Variants in ACP4 observed in about 807,000 individuals in gnomAD.
The protein encoded by ACP4 is acid phosphatase 4.
Under a neutral mutation model 47.3 loss-of-function variants are expected in ACP4, and 49 were observed. The ratio of observed to expected loss-of-function variants is 1.04; its 90% CI spans 0.82 to 1.32. The LOEUF is 1.32. Among genes scored for constraint, ACP4 ranks in the 40% most tolerant of loss-of-function variants. ACP4 has a pLI of 0.00. For synonymous variants in ACP4, 299 were observed against 265.3 expected (o/e 1.13, Z -1.23); for missense variants, 594 against 579.3 (o/e 1.03, Z -0.26).
At chr19:50,793,374 G>T in intron 6 of ACP4, 1 of 315,862 alleles carries the variant, frequency 3.2e-6, no homozygotes, top group Non-Finnish European at 5.9e-6. Flanking sequence ...AATTAGCCAG[G>T]AATGGTGGCA....
chr19:50,790,558 TC>T (rs2089492599), intron 1 of ACP4, 33 bp downstream of exon 1: 3 of 1,539,284 alleles, frequency 1.9e-6, no homozygotes, highest in South Asian at 2.4e-5. Flanking sequence ...TGCCCTTAGC[TC>T]CCCCAGGGCT....
At position 50,793,818 on chromosome 19, in the gene ACP4, T is replaced by C. The variant is rs2089531041; in HGVS notation, c.778+2T>C. On this transcript the variant is annotated splice_donor_variant, in intron 7 of 10. Transcript: ENST00000270593. LOFTEE classifies it high-confidence loss of function. The stretch of plus-strand genomic sequence containing the variant: ...CAGAGAAGGCCCAGCTGACAGGGGG[T>C]GAGGTGTGGGTCTGGGAGGCTGGGG... The C allele has an allele frequency of 6.2e-7, 1 of 1,613,764 alleles. No individual in the cohort carries two copies. Among genetic ancestry groups the C allele is most frequent in the African/African-American group, 1.3e-5 (1 of 75,004 alleles).
Position 50,790,680 on chromosome 19 carries a change from C to G in ACP4, c.198C>G (p.Gly66=), listed in dbSNP as rs765882645. 48 of 1,504,174 alleles carry G rather than the reference C, an allele frequency of 3.2e-5. No individual in the cohort carries two copies. The highest frequency in any genetic ancestry group is 3.5e-5 in the Non-Finnish European group (39 of 1,124,902). The allele number at this position is 1,504,174 out of a possible 1,614,324, so 93.2% of individuals were successfully genotyped here. ...KEVASTLWPR[G]LGQLTTEGVR... ...TGGCCTCCACCCTGTGGCCACGAGGCCTGGGCCAGCTGACCACGGTGAGAA... is the reference window on the plus strand; with the variant it reads ...TGGCCTCCACCCTGTGGCCACGAGGGCTGGGCCAGCTGACCACGGTGAGAA... Residue 66 remains glycine (G), a synonymous_variant, in exon 2 of 11, where the codon GGC becomes GGG. Transcript: ENST00000270593.
At chr19:50,792,198 G>T in intron 5 of ACP4, 27 bp downstream of exon 5, 9 of 1,611,170 alleles carry the variant, frequency 5.6e-6, no homozygotes, top group Non-Finnish European at 7.6e-6. Context: ...TGGGGGGCGG[G>T]ATGCAGGGGA....
chr19:50,795,051 G>T lies in ACP4; in HGVS notation c.1174G>T (p.Val392Leu), dbSNP rs2089546968. ...YEAAIPPAPV[V>L]PLLAGAVAVL... Reference sequence around the variant, plus strand: ...GCGTGTTCTCCCTGCAGCTCCAGTGGTGCCCCTGCTGGCCGGAGCTGTAGC... The same window carrying T: ...GCGTGTTCTCCCTGCAGCTCCAGTGTTGCCCCTGCTGGCCGGAGCTGTAGC... Residue 392 changes from valine (V) to leucine (L), a missense_variant, in exon 11 of 11, where the codon GTG becomes TTG. Physicochemically the swap from Val to Leu is conservative, Grantham distance 32. Coordinates refer to ENST00000270593, the MANE Select transcript of ACP4 (RefSeq NM_033068.3). The T allele has an allele frequency of 2.5e-6, 4 of 1,609,570 alleles. No homozygotes were observed. The highest frequency in any genetic ancestry group is 2.2e-5 in the South Asian group (2 of 90,662).
In ACP4 at chr19:50,793,960, T is replaced by C. The variant is rs768008030; in HGVS notation, c.851T>C (p.Met284Thr). Residue 284 changes from methionine (M) to threonine (T), a missense_variant, in exon 8 of 11, where the codon ATG becomes ACG. Met to Thr is a moderately conservative substitution (Grantham distance 81). Transcript: ENST00000270593. ...CTGGGGCTGCCCCTCAAGATGGTCA[T>C]GTACTCAGCTGTGAGTCCTTGGGAA... ...QRLGLPLKMV[M>T]YSAHDSTLLA... The C allele has an allele frequency of 3.1e-6, 5 of 1,614,062 alleles. No homozygotes were observed. The highest frequency in any genetic ancestry group is 1.3e-5 in the African/African-American group (1 of 75,050).
chr19:50,791,929 G>A, intron 4 of ACP4, 127 bp downstream of exon 4: 1 of 1,453,898 alleles, frequency 6.9e-7, no homozygotes, highest in Non-Finnish European at 9.2e-7. Flanking sequence ...CCAGACCAGG[G>A]TGAGCCCCGG....
chr19:50,793,672 G>A lies in ACP4; in HGVS notation c.646-12G>A, dbSNP rs750997301. On this transcript the variant is annotated splice_polypyrimidine_tract_variant and intron_variant, in intron 6 of 10. Coordinates refer to ENST00000270593, the MANE Select transcript of ACP4 (RefSeq NM_033068.3). ...GGGCTCAGGATGGTCCATCTGTCCT[G>A]TCTCCCCACAGCAAGCCCACGGTCT... is the stretch of plus-strand genomic sequence containing the variant. 5.0e-6 allele frequency: 8 copies of A among 1,612,396 alleles called. No homozygotes were observed. In the South Asian group the frequency reaches 8.8e-5, roughly 18 times the overall value.
chr19:50,794,468 C>A lies in ACP4; in HGVS notation c.873C>A (p.Thr291=). ...KMVMYSAHDS[T]LLALQGALGL... is the part of the protein sequence containing the mutation. The stretch of plus-strand genomic sequence containing the variant: ...GGGTCCACCTGCAGCATGACAGCAC[C>A]CTGCTGGCCCTCCAGGGGGCCCTGG... The change falls in exon 9 of 11, where the codon ACC becomes ACA. Residue 291 remains threonine, a synonymous_variant. Transcript: ENST00000270593. The A allele has an allele frequency of 6.2e-7, 1 of 1,613,622 alleles. No homozygotes were observed. Among genetic ancestry groups the A allele is most frequent in the Non-Finnish European group, 8.5e-7 (1 of 1,179,956 alleles).
In ACP4 at chr19:50,795,069, G is replaced by A. The variant is rs2089547307; in HGVS notation, c.1192G>A (p.Ala398Thr). The A allele has an allele frequency of 6.2e-7, 1 of 1,600,948 alleles. No homozygotes were observed. The highest frequency in any genetic ancestry group is 8.5e-7 in the Non-Finnish European group (1 of 1,174,426). Residue 398 changes from alanine (A) to threonine (T), a missense_variant, in exon 11 of 11, where the codon GCT becomes ACT. By Grantham distance (58) the Ala-to-Thr change is moderately conservative. Transcript: ENST00000270593. ...PAPVVPLLAG[A>T]VAVLVALSLG... ...TCCAGTGGTGCCCCTGCTGGCCGGA[G>A]CTGTAGCTGTGCTGGTGGCACTCAG...
intron 6 of ACP4, 56 bp downstream of exon 6, chr19:50,792,393 C>T (rs2089518072): frequency 6.4e-7 from 1 of 1,556,990 alleles, no homozygotes; most frequent in Non-Finnish European, 8.8e-7. Context: ...CCAATCCCAG[C>T]TTGCTACTCA....
In ACP4 at chr19:50,790,881, A is replaced by C. The variant is rs916607166; in HGVS notation, c.303+21A>C. ...AGGAGGTAGGGCCATAGTGACCCCC[A>C]CCTGGCCCCCTGACCTCCCACCTGT... On this transcript the variant is annotated intron_variant, in intron 3 of 10. Coordinates refer to ENST00000270593, the MANE Select transcript of ACP4 (RefSeq NM_033068.3). 2.6e-6 allele frequency: 4 copies of C among 1,537,922 alleles called. No individual in the cohort carries two copies. The African/African-American group carries it at 4.1e-5, about 16-fold the overall frequency.
intron 4 of ACP4, 24 bp from the exon 5 acceptor site, chr19:50,792,047 CCT>C (rs769597797): frequency 6.4e-7 from 1 of 1,552,540 alleles, no homozygotes; most frequent in South Asian, 1.2e-5. Flanking sequence ...ACACGGCTGT[CCT>C]CTCTGAGACT....
Position 50,791,819 on chromosome 19 carries a change from C to G in ACP4, c.450+17C>G. Reference sequence around the variant, plus strand: ...GAGGATAAGGTCAGGGGGCTGGACCCACGTGTGGCGAGGGAGGGAGCGGGT... The same window carrying G: ...GAGGATAAGGTCAGGGGGCTGGACCGACGTGTGGCGAGGGAGGGAGCGGGT... On this transcript the variant is annotated intron_variant, in intron 4 of 10. Transcript: ENST00000270593. The G allele has an allele frequency of 1.3e-6, 2 of 1,576,148 alleles. No individual in the cohort carries two copies. Among genetic ancestry groups the G allele is most frequent in the Non-Finnish European group, 1.7e-6 (2 of 1,157,976 alleles).
At chr19:50,794,035 G>C in intron 8 of ACP4, 65 bp downstream of exon 8, 2 of 1,581,824 alleles carry the variant, frequency 1.3e-6, no homozygotes, top group Non-Finnish European at 1.7e-6. Context: ...CAGCGATTTA[G>C]GTGAGGAAGA....
intron 3 of ACP4, among the ~76,000 whole-genome samples, 177 bp downstream of exon 3, chr19:50,791,037 C>G (rs768074377): frequency 1.9e-4 from 29 of 152,152 alleles, no homozygotes; most frequent in Non-Finnish European, 3.8e-4. Flanking sequence ...CTTCTGACCC[C>G]ATCTCAACCT....
intron 3 of ACP4, 134 bp downstream of exon 3, chr19:50,790,994 C>A (rs1288268865): frequency 5.9e-6 from 5 of 851,946 alleles, no homozygotes; most frequent in Non-Finnish European, 1.8e-6. Context: ...CCTCTAATCT[C>A]TGACCCCCGA....
chr19:50,791,929 G>GT (rs1352642025), intron 4 of ACP4, 127 bp downstream of exon 4: 29 of 1,453,778 alleles, frequency 2.0e-5, no homozygotes, highest in Non-Finnish European at 2.6e-5. Context: ...CCAGACCAGG[G>GT]TGAGCCCCGG....
At position 50,790,584 on chromosome 19, in the gene ACP4, C is replaced by CTG; in HGVS notation, c.112-8_112-7dup. On this transcript the variant is annotated splice_polypyrimidine_tract_variant and intron_variant, in intron 1 of 10. Coordinates refer to ENST00000270593, the MANE Select transcript of ACP4 (RefSeq NM_033068.3). ...CCCCCAGGGCTAGCCCTGACCAGTC[C>CTG]TGTCCCCAGGTATTCCGCCATGGCG... The CTG allele has an allele frequency of 6.5e-7, 1 of 1,548,824 alleles. No individual in the cohort carries two copies.
Sources: allele counts gnomAD v4.1 joint callset (sites outside exome capture counted in the v4.1 genomes callset), GRCh38; gene constraint gnomAD v4.1.1; transcripts MANE v1.5; gene names NCBI Gene and HGNC (gene_info 2026-07-23, HGNC 2026-07-21).